The following RBM19 variants were observed in gnomAD, a reference collection of about 807,000 sequenced individuals.
The protein encoded by RBM19 is RNA binding motif protein 19, also known as probable RNA-binding protein 19.
Under a neutral mutation model 116.8 loss-of-function variants are expected in RBM19, and 94 were observed. The observed-to-expected ratio is 0.80, with a 90% CI of 0.68 to 0.95. RBM19 has a LOEUF of 0.95. Among genes scored for constraint, RBM19 ranks in the 40% least tolerant of loss-of-function variants. The pLI, the probability that RBM19 is intolerant of heterozygous loss-of-function variation, is 0.00. For missense variants in RBM19, 1,161 were observed against 1,220.7 expected, an observed-to-expected ratio of 0.95 and a Z score of 0.73; for synonymous variants, 475 against 494.1, an observed-to-expected ratio of 0.96 and a Z score of 0.51.
chr12:113,831,789 G>T (rs1459416950), intron 23 of RBM19, among the ~76,000 whole-genome samples: 3 of 152,230 alleles, frequency 2.0e-5, no homozygotes, highest in African/African-American at 7.2e-5. Context: ...GAAGCACTTG[G>T]AATTATTTCC....
Position 113,915,093 on chromosome 12 carries a change from G to A in RBM19, c.2442-8C>T, listed in dbSNP as rs749066224. ...GCCAATGTCACGGCTGGCCTGGAGT[G>A]GTGGGGGGAGAGGGTCCAAGTTATT... On this transcript the variant is annotated splice_polypyrimidine_tract_variant and splice_region_variant and intron_variant, in intron 20 of 23. Transcript: ENST00000261741. 1 of 1,611,142 alleles carries A rather than the reference G, an allele frequency of 6.2e-7. No homozygotes were observed. The highest frequency in any genetic ancestry group is 1.1e-5 in the South Asian group (1 of 91,008).
At chr12:113,927,023 C>G (rs766814554) in intron 17 of RBM19, 31 bp downstream of exon 17, 1 of 1,598,570 alleles carries the variant, frequency 6.3e-7, no homozygotes, top group Admixed American at 1.7e-5. Context: ...CCATCCCACG[C>G]CCCTCCCTCC....
In RBM19 at chr12:113,825,404, C is replaced by T. The variant is rs567134396; in HGVS notation, c.2786-2083G>A. ...GGCTTCCTCTCCTTCCTTGTGACCT[C>T]CTAGACACTCTTGGTTTCCTTATAA... On this transcript the variant is annotated intron_variant, in intron 23 of 23. Transcript: ENST00000261741. The surrounding 1 kb of genome is among the most constrained non-coding windows in gnomAD (Gnocchi z 5.7). 7.3e-4 allele frequency among the ~76,000 whole-genome samples: 111 copies of T among 152,330 alleles called. No individual in the cohort carries two copies. Among genetic ancestry groups the T allele is most frequent in the Non-Finnish European group, 1.4e-3 (96 of 68,038 alleles).
At chr12:113,966,132 C>T in intron 1 of RBM19, 60 bp downstream of exon 1, 2 of 1,610,198 alleles carry the variant, frequency 1.2e-6, no homozygotes, top group Non-Finnish European at 1.7e-6. Context: ...CATCTCTTCC[C>T]TACCTCACAG....
At chr12:113,827,334 C>G (rs73393034) in intron 23 of RBM19, among the ~76,000 whole-genome samples, 2 of 151,786 alleles carry the variant, frequency 1.3e-5, no homozygotes, top group Non-Finnish European at 2.9e-5. Context: ...AGTCCTGCCC[C>G]CCTCCCCACC....
chr12:113,893,702 A>G (rs1428106305), intron 21 of RBM19, among the ~76,000 whole-genome samples: 1 of 152,244 alleles, frequency 6.6e-6, no homozygotes, highest in African/African-American at 2.4e-5. Context: ...AAAAGGTATC[A>G]GCGTTTTAAA....
intron 21 of RBM19, among the ~76,000 whole-genome samples, chr12:113,880,719 G>A (rs1195681016): frequency 1.3e-5 from 2 of 151,692 alleles, no homozygotes; most frequent in East Asian, 3.9e-4. Flanking sequence ...CAACCCCATC[G>A]CCCCATAACA....
At chr12:113,933,545 C>T (rs1869802864) in intron 16 of RBM19, among the ~76,000 whole-genome samples, 1 of 152,212 alleles carries the variant, frequency 6.6e-6, no homozygotes, top group Non-Finnish European at 1.5e-5. Context: ...AGCGGCCGGG[C>T]TCTAAGGCCT....
At chr12:113,867,526 G>A in intron 21 of RBM19, among the ~76,000 whole-genome samples, 1 of 152,118 alleles carries the variant, frequency 6.6e-6, no homozygotes, top group Non-Finnish European at 1.5e-5. Flanking sequence ...CAGCAAAATA[G>A]TTTTCAGCAT....
chr12:113,942,470 T>C (rs746768247), intron 13 of RBM19, 36 bp from the exon 14 acceptor site: 4 of 1,552,768 alleles, frequency 2.6e-6, no homozygotes, highest in South Asian at 2.3e-5. Context: ...TGGTTGGCTG[T>C]CGGCCAGGTG....
At chr12:113,880,273 T>A (rs1337230471) in intron 21 of RBM19, among the ~76,000 whole-genome samples, 4 of 152,194 alleles carry the variant, frequency 2.6e-5, no homozygotes, top group Non-Finnish European at 2.9e-5. Context: ...TTTTATTTGC[T>A]CTGATACCCC....
chr12:113,940,782 C>A (rs921480386), intron 14 of RBM19, among the ~76,000 whole-genome samples: 1 of 152,212 alleles, frequency 6.6e-6, no homozygotes, highest in African/African-American at 2.4e-5. Context: ...GCCCTTGAAT[C>A]CTTGTCTCAG....
At chr12:113,833,093 G>A (rs1875573452) in intron 23 of RBM19, among the ~76,000 whole-genome samples, 1 of 152,080 alleles carries the variant, frequency 6.6e-6, no homozygotes, top group Non-Finnish European at 1.5e-5. Context: ...ACATCGAGGG[G>A]AGTCCTAATA....
At chr12:113,948,462 T>C (rs761211674) in intron 10 of RBM19, among the ~76,000 whole-genome samples, 1 of 152,188 alleles carries the variant, frequency 6.6e-6, no homozygotes, top group Non-Finnish European at 1.5e-5. Context: ...GGTATATTCA[T>C]CAGGTGAAAC....
chr12:113,852,511 G>A (rs187602403), intron 22 of RBM19, among the ~76,000 whole-genome samples: 106 of 152,292 alleles, frequency 7.0e-4, no homozygotes, highest in African/African-American at 2.4e-3. Flanking sequence ...AGAAAAGTGG[G>A]GACAAAACTC....
At chr12:113,920,220 AGCCTAAGT>A (rs1868406887) in intron 19 of RBM19, among the ~76,000 whole-genome samples, 2 of 152,086 alleles carry the variant, frequency 1.3e-5, no homozygotes, top group Non-Finnish European at 2.9e-5. Flanking sequence ...CTGACCACAC[AGCCTAAGT>A]GCCCCACCTC....
intron 21 of RBM19, among the ~76,000 whole-genome samples, chr12:113,888,925 C>T (rs969765190): frequency 2.0e-5 from 3 of 152,232 alleles, no homozygotes; most frequent in East Asian, 1.9e-4. Flanking sequence ...ACGGGTGGTA[C>T]TGCCCCCCTG....
chr12:113,880,479 C>A (rs1397402925), intron 21 of RBM19, among the ~76,000 whole-genome samples: 1 of 152,172 alleles, frequency 6.6e-6, no homozygotes, highest in Non-Finnish European at 1.5e-5. Flanking sequence ...GTTCTGTGAG[C>A]CTTGTCGTAA....
intron 21 of RBM19, among the ~76,000 whole-genome samples, chr12:113,902,236 C>G (rs535568141): frequency 6.6e-6 from 1 of 152,282 alleles, no homozygotes; most frequent in Admixed American, 6.5e-5. Flanking sequence ...CAAGGACCCC[C>G]TAAGCTACCT....
Sources: allele counts gnomAD v4.1 joint callset (sites outside exome capture counted in the v4.1 genomes callset), GRCh38; gene constraint gnomAD v4.1.1; non-coding constraint Gnocchi (gnomAD v3.1); transcripts MANE v1.5; gene names NCBI Gene and HGNC (gene_info 2026-07-23, HGNC 2026-07-21).